Variants in RIMBP2 observed in about 807,000 individuals in gnomAD.
RIMBP2 encodes the protein RIMS binding protein 2, also known as RIMS-binding protein 2.
Under a neutral mutation model 118.6 loss-of-function variants are expected in RIMBP2, and 48 were observed. The observed-to-expected ratio is 0.40, with a 90% CI of 0.32 to 0.51. The LOEUF is 0.51. Among genes scored for constraint, RIMBP2 ranks in the 20% least tolerant of loss-of-function variants. RIMBP2 has a pLI of 0.41. For synonymous variants in RIMBP2, 762 were observed against 742.9 expected, an observed-to-expected ratio of 1.03 and a Z score of -0.42; for missense variants, 1,551 against 1,768.3, an observed-to-expected ratio of 0.88 and a Z score of 2.20.
intron 2 of RIMBP2, among the ~76,000 whole-genome samples, chr12:130,616,818 C>G (rs1362743530): frequency 1.3e-5 from 2 of 152,184 alleles, no homozygotes; most frequent in Admixed American, 1.3e-4. Flanking sequence ...TTGGCCAGCA[C>G]AAGCAGGCCA....
intron 2 of RIMBP2, among the ~76,000 whole-genome samples, chr12:130,530,450 A>C (rs2053248651): frequency 6.6e-6 from 1 of 151,848 alleles, no homozygotes; most frequent in South Asian, 2.1e-4. Flanking sequence ...TATACTAAAA[A>C]TATTTATACA....
chr12:130,660,904 T>TACAA (rs1197590644), intron 1 of RIMBP2, among the ~76,000 whole-genome samples: 1 of 152,152 alleles, frequency 6.6e-6, no homozygotes, highest in Non-Finnish European at 1.5e-5. Context: ...ACCTGCCCTC[T>TACAA]ACAAGCCCCA....
intron 1 of RIMBP2, chr12:130,658,170 C>T (rs1010223341): frequency 1.3e-5 from 2 of 152,246 alleles, no homozygotes; most frequent in African/African-American, 4.8e-5. Context: ...CCACGGCTTC[C>T]AGGAGCCTGA....
rs1447034333 is a variant in RIMBP2, at chr12:130,576,447, CTGCATG to C, written c.-217+51869_-217+51874del. On this transcript the variant is annotated intron_variant, in intron 2 of 22. Transcript: ENST00000690449. The surrounding 1 kb of genome is among the most constrained non-coding windows in gnomAD (Gnocchi z 4.2). ...CCGTGGGCAGCTGGCAGGTGGCCAG[CTGCATG>C]CCGGCATCCAAGCTGTGCGGGCTAA... Among the ~76,000 whole-genome samples, 2 of 152,124 alleles carry C rather than the reference CTGCATG, an allele frequency of 1.3e-5. No homozygotes were observed. The highest frequency in any genetic ancestry group is 2.9e-5 in the Non-Finnish European group (2 of 68,004).
intron 1 of RIMBP2, among the ~76,000 whole-genome samples, chr12:130,672,013 T>C (rs1288820590): frequency 6.6e-6 from 1 of 152,204 alleles, no homozygotes; most frequent in Non-Finnish European, 1.5e-5. Flanking sequence ...CTGGGCATAA[T>C]TTGAGATGAT....
intron 2 of RIMBP2, among the ~76,000 whole-genome samples, chr12:130,535,783 A>ATT (rs2054021516): frequency 8.2e-6 from 1 of 122,014 alleles, no homozygotes. Flanking sequence ...ATATATATAT[A>ATT]CACATATTTT....
At chr12:130,606,726 A>G (rs966332431) in intron 2 of RIMBP2, among the ~76,000 whole-genome samples, 2 of 152,030 alleles carry the variant, frequency 1.3e-5, no homozygotes, top group African/African-American at 4.8e-5. Flanking sequence ...TCTAAATATG[A>G]CCTGTGTGAA....
rs2061412851 is a variant in RIMBP2, at chr12:130,622,980, TGAG to T, written c.-217+5339_-217+5341del. 6.6e-6 allele frequency among the ~76,000 whole-genome samples: 1 copy of T among 152,228 alleles called. No individual in the cohort carries two copies. Among genetic ancestry groups the T allele is most frequent in the Non-Finnish European group, 1.5e-5 (1 of 68,038 alleles). ...AAATGAAAGAACAGATGGCGTGGAC[TGAG>T]GTCTGGGGATACTGTTGGGGCCATT... On this transcript the variant is annotated intron_variant, in intron 2 of 22. Coordinates refer to ENST00000690449, the MANE Select transcript of RIMBP2 (RefSeq NM_001393629.1). This position sits in a 1 kb window ranked among gnomAD's most constrained non-coding sequence, Gnocchi z 8.5.
rs1221473753 is a variant in RIMBP2, at chr12:130,407,756, G to A, written c.3663C>T (p.Pro1221=). 3 of 1,614,152 alleles carry A rather than the reference G, an allele frequency of 1.9e-6. No individual in the cohort carries two copies. Among genetic ancestry groups the A allele is most frequent in the Middle Eastern group, 3.3e-4 (2 of 6,062 alleles). The part of the protein sequence containing the change: ...RRMVALYDYD[P]RESSPNVDVE... ...CATCGACGTTGGGCGAGCTTTCTCT[G>A]GGGTCGTAGTCATACAGGGCCACCA... The change falls in exon 20 of 23, where the codon CCC becomes CCT. Residue 1221 remains proline (P), a synonymous_variant. Coordinates refer to ENST00000690449, the MANE Select transcript of RIMBP2 (RefSeq NM_001393629.1).
intron 2 of RIMBP2, among the ~76,000 whole-genome samples, chr12:130,580,679 C>T (rs1410937912): frequency 6.6e-6 from 1 of 152,186 alleles, no homozygotes; most frequent in African/African-American, 2.4e-5. Context: ...GTGGCTCATG[C>T]CTGTAATCTC....
chr12:130,604,966 G>A (rs2060099498), intron 2 of RIMBP2, among the ~76,000 whole-genome samples: 1 of 151,760 alleles, frequency 6.6e-6, no homozygotes, highest in Admixed American at 6.6e-5. Flanking sequence ...ACCTACTATT[G>A]TGTTACAGTT....
chr12:130,692,149 GCCTGGGTTTGACT>G (rs1007133495), intron 1 of RIMBP2, among the ~76,000 whole-genome samples: 6 of 152,168 alleles, frequency 3.9e-5, no homozygotes, highest in African/African-American at 1.4e-4. Context: ...GAGATGAGAG[GCCTGGGTTTGACT>G]CCTGCCTCTG....
chr12:130,540,077 CCAGG>C (rs1416490378), intron 2 of RIMBP2, among the ~76,000 whole-genome samples: 7 of 141,222 alleles, frequency 5.0e-5, no homozygotes, highest in Admixed American at 2.1e-4. Context: ...GATGAGGTGG[CCAGG>C]TGTAGGATAT....
At chr12:130,685,095 G>A (rs2064979426) in intron 1 of RIMBP2, among the ~76,000 whole-genome samples, 1 of 152,156 alleles carries the variant, frequency 6.6e-6, no homozygotes, top group African/African-American at 2.4e-5. Context: ...AGGAGCTCCT[G>A]CAACCTTCCT....
chr12:130,505,951 G>A (rs558904385), intron 4 of RIMBP2, among the ~76,000 whole-genome samples: 6 of 148,566 alleles, frequency 4.0e-5, no homozygotes, highest in African/African-American at 1.5e-4. Flanking sequence ...GAGTATTTGC[G>A]GATGCAGCCT....
intron 4 of RIMBP2, among the ~76,000 whole-genome samples, chr12:130,489,393 A>G (rs1166799166): frequency 6.6e-6 from 1 of 151,174 alleles, no homozygotes; most frequent in Non-Finnish European, 1.5e-5. Flanking sequence ...TCTCAGATCT[A>G]CTCTCTCTCC....
intron 2 of RIMBP2, among the ~76,000 whole-genome samples, chr12:130,585,003 A>G (rs890545457): frequency 5.9e-5 from 9 of 151,968 alleles, no homozygotes; most frequent in Admixed American, 2.0e-4. Flanking sequence ...CAATGCTCCT[A>G]CCTCCTGCGT....
In RIMBP2 at chr12:130,523,391, C is replaced by G. The variant is rs1353727286; in HGVS notation, c.-216-5474G>C. ...AGAGAGGAGAGCTCTGTCATTTAAGCTGCCCGGTCTGTGGGATCCTGCTAT... is the reference window on the plus strand; with the variant it reads ...AGAGAGGAGAGCTCTGTCATTTAAGGTGCCCGGTCTGTGGGATCCTGCTAT... On this transcript the variant is annotated intron_variant, in intron 2 of 22. Transcript: ENST00000690449. The surrounding 1 kb of genome is among the most constrained non-coding windows in gnomAD (Gnocchi z 4.4). Among the ~76,000 whole-genome samples the G allele has an allele frequency of 6.6e-6, 1 of 152,348 alleles. No homozygotes were observed. The highest frequency in any genetic ancestry group is 1.9e-4 in the East Asian group (1 of 5,184).
intron 4 of RIMBP2, among the ~76,000 whole-genome samples, chr12:130,489,624 T>C (rs1398185942): frequency 6.6e-6 from 1 of 152,142 alleles, no homozygotes; most frequent in African/African-American, 2.4e-5. Flanking sequence ...TCTGAGATCA[T>C]CATCACCCCC....
Sources: allele counts gnomAD v4.1 joint callset (sites outside exome capture counted in the v4.1 genomes callset), GRCh38; gene constraint gnomAD v4.1.1; non-coding constraint Gnocchi (gnomAD v3.1); transcripts MANE v1.5; gene names NCBI Gene and HGNC (gene_info 2026-07-23, HGNC 2026-07-21).